PDGFC: variants seen among roughly 807,000 people sequenced by gnomAD.
PDGFC encodes platelet-derived growth factor C.
A neutral mutation model predicts 35.5 loss-of-function variants in PDGFC; 12 were observed. That is an observed-to-expected ratio of 0.34 (90% CI 0.22 to 0.55). The LOEUF (loss-of-function observed/expected upper bound fraction) is 0.55, where lower values mean the gene tolerates loss of function less well. PDGFC is among the 20% of genes least tolerant of loss of function. The pLI, the probability that PDGFC is intolerant of heterozygous loss-of-function variation, is 0.91. For missense variants in PDGFC, 322 were observed against 412.4 expected (o/e 0.78, Z 1.90); for synonymous variants, 159 against 148.8 (o/e 1.07, Z -0.50).
chr4:156,956,893 C>T (rs907141833), intron 1 of PDGFC, among the ~76,000 whole-genome samples: 2 of 152,052 alleles, frequency 1.3e-5, no homozygotes, highest in African/African-American at 4.8e-5. Context: ...TAAATATACA[C>T]GTTAATTGGA....
chr4:156,817,672 T>C (rs1732124915), intron 2 of PDGFC, among the ~76,000 whole-genome samples: 1 of 151,560 alleles, frequency 6.6e-6, no homozygotes, highest in East Asian at 1.9e-4. Context: ...CATAGGAGAG[T>C]TCTATTTAAC....
chr4:156,798,748 C>G (rs1280944719), intron 3 of PDGFC, among the ~76,000 whole-genome samples: 1 of 152,164 alleles, frequency 6.6e-6, no homozygotes, highest in Non-Finnish European at 1.5e-5. Flanking sequence ...CTCTGTCTCT[C>G]TAACAATTCA....
rs569412640 is a variant in PDGFC, at chr4:156,784,608, T to C, written c.496-11715A>G. 1.6e-3 allele frequency among the ~76,000 whole-genome samples: 241 copies of C among 152,142 alleles called. 1 individual carries two copies. The highest frequency in any genetic ancestry group is 5.7e-3 in the African/African-American group (235 of 41,504). On this transcript the variant is annotated intron_variant, in intron 3 of 5. Coordinates refer to ENST00000502773, the MANE Select transcript of PDGFC (RefSeq NM_016205.3). ...AAAATAAGAAAGAATCATAGATTTA[T>C]GAGAAGAAAGATTAGAAAAAAGCTT... is the stretch of plus-strand genomic sequence containing the variant.
At chr4:156,816,406 A>G (rs1732087698) in intron 2 of PDGFC, among the ~76,000 whole-genome samples, 1 of 152,332 alleles carries the variant, frequency 6.6e-6, no homozygotes, top group Non-Finnish European at 1.5e-5. Context: ...ACACAAAAAT[A>G]GAAGTATTAG....
At chr4:156,801,216 C>T (rs1213394621) in intron 3 of PDGFC, among the ~76,000 whole-genome samples, 3 of 152,094 alleles carry the variant, frequency 2.0e-5, no homozygotes, top group South Asian at 4.2e-4. Context: ...TTCCATGCCC[C>T]TATGACTGCA....
At position 156,917,464 on chromosome 4, in the gene PDGFC, T is replaced by C. The variant is rs150372893; in HGVS notation, c.118+53322A>G. ...GGTTATGATTTGTATGATTTCCCAC[T>C]GTGTGGAAGCCTTTCCCTGTCACAA... is the stretch of plus-strand genomic sequence containing the variant. On this transcript the variant is annotated intron_variant, in intron 1 of 5. Coordinates refer to ENST00000502773, the MANE Select transcript of PDGFC (RefSeq NM_016205.3). 3.5e-3 allele frequency among the ~76,000 whole-genome samples: 536 copies of C among 152,328 alleles called. 1 individual carries two copies. The highest frequency in any genetic ancestry group is 0.012 in the African/African-American group (515 of 41,572).
At chr4:156,920,278 G>C (rs1731242545) in intron 1 of PDGFC, among the ~76,000 whole-genome samples, 1 of 152,130 alleles carries the variant, frequency 6.6e-6, no homozygotes, top group Admixed American at 6.5e-5. Flanking sequence ...GTTTTGAATT[G>C]TTATTACATC....
At chr4:156,858,519 C>T (rs964963792) in intron 1 of PDGFC, among the ~76,000 whole-genome samples, 10 of 151,886 alleles carry the variant, frequency 6.6e-5, no homozygotes, top group East Asian at 1.9e-4. Context: ...AAGTTTTTTA[C>T]TCTGTTAAAT....
At chr4:156,882,314 C>A (rs1389746398) in intron 1 of PDGFC, among the ~76,000 whole-genome samples, 21 of 152,092 alleles carry the variant, frequency 1.4e-4, no homozygotes, top group Non-Finnish European at 2.2e-4. Flanking sequence ...TTAAGATAAA[C>A]AAATTTCTCC....
intron 1 of PDGFC, among the ~76,000 whole-genome samples, chr4:156,950,276 C>T (rs1732048578): frequency 6.6e-6 from 1 of 151,812 alleles, no homozygotes; most frequent in Admixed American, 6.6e-5. Flanking sequence ...ACCCTTAGCA[C>T]AGACAAACAG....
At chr4:156,959,729 C>A (rs925725170) in intron 1 of PDGFC, among the ~76,000 whole-genome samples, 1 of 151,964 alleles carries the variant, frequency 6.6e-6, no homozygotes, top group Non-Finnish European at 1.5e-5. Flanking sequence ...AGAAGATTTG[C>A]ACCTCTGAGT....
intron 2 of PDGFC, among the ~76,000 whole-genome samples, chr4:156,817,729 T>C (rs1024618487): frequency 3.9e-5 from 6 of 152,134 alleles, no homozygotes; most frequent in Non-Finnish European, 1.5e-5. Context: ...ATTTTTAATT[T>C]GACCAGCGCA....
intron 1 of PDGFC, among the ~76,000 whole-genome samples, chr4:156,859,580 T>A (rs1729660933): frequency 6.6e-6 from 1 of 152,060 alleles, no homozygotes; most frequent in Non-Finnish European, 1.5e-5. Flanking sequence ...AAGGCTAAGT[T>A]TAAACAAAAT....
At chr4:156,905,794 CTG>C (rs1730901501) in intron 1 of PDGFC, among the ~76,000 whole-genome samples, 2 of 151,834 alleles carry the variant, frequency 1.3e-5, no homozygotes, top group Non-Finnish European at 2.9e-5. Flanking sequence ...AAAGATTATG[CTG>C]TGTTACCCAA....
intron 3 of PDGFC, among the ~76,000 whole-genome samples, chr4:156,802,684 A>G (rs1731647125): frequency 6.6e-6 from 1 of 152,112 alleles, no homozygotes; most frequent in East Asian, 1.9e-4. Flanking sequence ...ATTGGTAACC[A>G]GTATTTATAC....
chr4:156,952,830 C>T (rs1457135490), intron 1 of PDGFC, among the ~76,000 whole-genome samples: 1 of 151,806 alleles, frequency 6.6e-6, no homozygotes, highest in Non-Finnish European at 1.5e-5. Context: ...TAGACATAAA[C>T]AGATCAGTGA....
chr4:156,924,606 T>C (rs1276519573), intron 1 of PDGFC, among the ~76,000 whole-genome samples: 1 of 152,074 alleles, frequency 6.6e-6, no homozygotes, highest in African/African-American at 2.4e-5. Flanking sequence ...AAAAAGTTTA[T>C]TAGGGAGGGG....
chr4:156,941,551 A>G (rs186187665), intron 1 of PDGFC, among the ~76,000 whole-genome samples: 10 of 152,316 alleles, frequency 6.6e-5, no homozygotes, highest in African/African-American at 2.4e-4. Flanking sequence ...TTTTAAAATA[A>G]TGTTATTGTA....
chr4:156,840,853 G>C (rs549324649), intron 2 of PDGFC, among the ~76,000 whole-genome samples: 2 of 152,140 alleles, frequency 1.3e-5, no homozygotes, highest in Non-Finnish European at 2.9e-5. Context: ...ACTGCCCCAC[G>C]GGATTTTGGA....
Sources: gnomAD v4.1 joint callset for allele counts (sites outside exome capture counted in the v4.1 genomes callset) on GRCh38, gnomAD v4.1.1 for gene constraint, MANE v1.5 for transcripts, NCBI Gene and HGNC (gene_info 2026-07-23, HGNC 2026-07-21) for gene names.